AGBL4: variants seen among roughly 807,000 people sequenced by gnomAD.
AGBL4 encodes the protein AGBL carboxypeptidase 4, also known as cytosolic carboxypeptidase 6.
In AGBL4, 58 loss-of-function variants were observed where a neutral mutation model predicts 66.4. The observed-to-expected ratio is 0.87, with a 90% CI of 0.71 to 1.09. The LOEUF (loss-of-function observed/expected upper bound fraction) is 1.09. Ranked by LOEUF, AGBL4 falls within the 50% of genes least tolerant of loss-of-function variation. AGBL4 has a pLI of 0.00. For synonymous variants in AGBL4, 234 were observed against 222.9 expected (o/e 1.05, Z -0.44); for missense variants, 579 against 631.0 (o/e 0.92, Z 0.88).
intron 5 of AGBL4, among the ~76,000 whole-genome samples, chr1:48,958,210 A>G (rs567126166): frequency 2.6e-5 from 4 of 152,036 alleles, no homozygotes; most frequent in African/African-American, 9.6e-5. Flanking sequence ...TGCCATTAAC[A>G]CCTGTCTTTA....
At chr1:49,829,329 T>C (rs559337325) in intron 2 of AGBL4, among the ~76,000 whole-genome samples, 18 of 152,096 alleles carry the variant, frequency 1.2e-4, no homozygotes, top group African/African-American at 2.7e-4. Context: ...GAAAACAAGA[T>C]AGGTCAGTCC....
chr1:49,450,594 T>C (rs896289337), intron 3 of AGBL4, among the ~76,000 whole-genome samples: 6 of 152,072 alleles, frequency 3.9e-5, no homozygotes, highest in Non-Finnish European at 8.8e-5. Context: ...AGAAATAAAA[T>C]GCAAAATGAA....
chr1:49,776,693 T>G (rs748532667), intron 2 of AGBL4, among the ~76,000 whole-genome samples: 1 of 152,118 alleles, frequency 6.6e-6, no homozygotes, highest in Non-Finnish European at 1.5e-5. Context: ...AAAGGAGGTC[T>G]TTTCTGACCT....
At chr1:49,844,205 G>T (rs1472488131) in intron 2 of AGBL4, among the ~76,000 whole-genome samples, 3 of 152,158 alleles carry the variant, frequency 2.0e-5, no homozygotes, top group Non-Finnish European at 4.4e-5. Context: ...AGCATATGCT[G>T]CCAGGAAGAA....
At chr1:49,101,768 C>A (rs544416302) in intron 4 of AGBL4, among the ~76,000 whole-genome samples, 2 of 152,194 alleles carry the variant, frequency 1.3e-5, no homozygotes, top group African/African-American at 4.8e-5. Flanking sequence ...TGTTCTGTTC[C>A]ATTTTCAATC....
chr1:48,534,742 C>A, intron 13 of AGBL4, 148 bp downstream of exon 13: 1 of 779,740 alleles, frequency 1.3e-6, no homozygotes, highest in Non-Finnish European at 2.1e-6. Flanking sequence ...ACTGCCCCCT[C>A]CACCAGGAAG....
chr1:49,654,755 T>A (rs947022427), intron 3 of AGBL4, among the ~76,000 whole-genome samples: 3 of 152,200 alleles, frequency 2.0e-5, no homozygotes, highest in African/African-American at 7.2e-5. Context: ...CCCCTGCCTT[T>A]TTTTGCTTTC....
At chr1:49,258,377 G>T (rs1203443158) in intron 3 of AGBL4, among the ~76,000 whole-genome samples, 1 of 152,122 alleles carries the variant, frequency 6.6e-6, no homozygotes, top group Admixed American at 6.5e-5. Flanking sequence ...AAGGAAATTC[G>T]AACCAAAGGC....
At chr1:49,677,677 C>A (rs1314649387) in intron 3 of AGBL4, among the ~76,000 whole-genome samples, 1 of 152,094 alleles carries the variant, frequency 6.6e-6, no homozygotes, top group Non-Finnish European at 1.5e-5. Context: ...TTGTGACCCC[C>A]AAAATTAGTA....
intron 3 of AGBL4, among the ~76,000 whole-genome samples, chr1:49,385,648 T>A (rs1644720933): frequency 6.6e-6 from 1 of 152,100 alleles, no homozygotes; most frequent in African/African-American, 2.4e-5. Flanking sequence ...AACTTCTTTA[T>A]ATCTTTTGTA....
intron 2 of AGBL4, chr1:49,846,513 A>G: frequency 1.3e-6 from 1 of 756,232 alleles, no homozygotes; most frequent in South Asian, 2.0e-5. Context: ...AACAGGGTGG[A>G]AACAGACTAA....
chr1:48,783,147 G>T (rs1015069315), intron 6 of AGBL4, among the ~76,000 whole-genome samples: 1 of 152,082 alleles, frequency 6.6e-6, no homozygotes, highest in African/African-American at 2.4e-5. Context: ...TTGCTGTGCT[G>T]CAAGCTGAGG....
chr1:48,776,686 G>C lies in AGBL4; in HGVS notation c.634+90505C>G, dbSNP rs1259370646. On this transcript the variant is annotated intron_variant, in intron 6 of 13. Coordinates refer to ENST00000371839, the MANE Select transcript of AGBL4 (RefSeq NM_032785.4). ...GGCGCGCGGGGGGCTCTCGGGCCCG[G>C]CGCCCAATTCCTCCGGGCCCCGGTA... 42 of 1,514,310 alleles carry C rather than the reference G, an allele frequency of 2.8e-5. No individual in the cohort carries two copies. Among genetic ancestry groups the C allele is most frequent in the Middle Eastern group, 3.9e-4 (2 of 5,104 alleles). The allele number at this position is 1,514,310 out of a possible 1,614,324, so 93.8% of individuals were successfully genotyped here. A position where few individuals can be genotyped will look rare whatever the true frequency, so the allele number is the denominator to read the frequency against.
intron 6 of AGBL4, among the ~76,000 whole-genome samples, chr1:48,762,491 T>G (rs940593039): frequency 6.6e-6 from 1 of 152,198 alleles, no homozygotes; most frequent in Non-Finnish European, 1.5e-5. Context: ...CTTTAGAGAT[T>G]GCTGTTTCTC....
At chr1:48,910,754 C>T (rs866708157) in intron 5 of AGBL4, among the ~76,000 whole-genome samples, 4 of 152,044 alleles carry the variant, frequency 2.6e-5, no homozygotes, top group East Asian at 1.9e-4. Context: ...AAGAGGTGGC[C>T]GTAATTGCTG....
chr1:49,685,300 C>T (rs753201680), intron 3 of AGBL4, among the ~76,000 whole-genome samples: 2 of 152,088 alleles, frequency 1.3e-5, no homozygotes, highest in African/African-American at 4.8e-5. Context: ...TTCAGTTCAC[C>T]GTTGATGGGC....
intron 3 of AGBL4, among the ~76,000 whole-genome samples, chr1:49,543,549 C>A (rs1187262695): frequency 6.6e-6 from 1 of 152,028 alleles, no homozygotes; most frequent in African/African-American, 2.4e-5. Flanking sequence ...TTGTAAGGAG[C>A]CGAGAATACT....
At chr1:48,602,217 T>C (rs1306089170) in intron 9 of AGBL4, among the ~76,000 whole-genome samples, 1 of 151,944 alleles carries the variant, frequency 6.6e-6, no homozygotes, top group Non-Finnish European at 1.5e-5. Flanking sequence ...TATGCCAGGA[T>C]TTTTCTTCCT....
At chr1:49,136,992 A>G (rs1646024872) in intron 4 of AGBL4, among the ~76,000 whole-genome samples, 1 of 152,162 alleles carries the variant, frequency 6.6e-6, no homozygotes, top group Non-Finnish European at 1.5e-5. Context: ...TTGTTCCCCC[A>G]TTAGTTCGTA....
Sources: allele counts gnomAD v4.1 joint callset (sites outside exome capture counted in the v4.1 genomes callset), GRCh38; gene constraint gnomAD v4.1.1; transcripts MANE v1.5; gene names NCBI Gene and HGNC (gene_info 2026-07-23, HGNC 2026-07-21).